FAM178B: variants seen among roughly 807,000 people sequenced by gnomAD.
FAM178B encodes family with sequence similarity 178 member B.
Under a neutral mutation model 91.7 loss-of-function variants are expected in FAM178B, and 82 were observed. That is an observed-to-expected ratio of 0.89 (90% confidence interval 0.75 to 1.07). The LOEUF (loss-of-function observed/expected upper bound fraction) is 1.07, where lower values mean the gene tolerates loss of function less well. Among genes scored for constraint, FAM178B ranks in the 50% least tolerant of loss-of-function variants. FAM178B has a pLI of 0.00. For synonymous variants in FAM178B, 368 were observed against 359.4 expected (o/e 1.02, Z -0.27); for missense variants, 769 against 846.7 (o/e 0.91, Z 1.14).
In FAM178B at chr2:96,876,045, G is replaced by A. The variant is rs563663735; in HGVS notation, c.*231C>T. On this transcript the variant is annotated 3_prime_UTR_variant, in exon 17 of 17. Coordinates refer to ENST00000490605, the MANE Select transcript of FAM178B (RefSeq NM_001122646.3). ...CTGGGAGGAGGGCTGAGGGGTGGGC[G>A]AGGCAGAGAGGCCCATCCCTTGCTG... 12 of 569,672 alleles carry A rather than the reference G, an allele frequency of 2.1e-5. No individual in the cohort carries two copies. The highest frequency in any genetic ancestry group is 1.9e-4 in the Admixed American group (6 of 31,922). The allele number at this position is 569,672 out of a possible 1,614,324, so 35.3% of individuals were successfully genotyped here. A position where few individuals can be genotyped will look rare whatever the true frequency, so the allele number is the denominator to read the frequency against.
At chr2:96,961,315 GTGT>G (rs2082078125) in intron 5 of FAM178B, among the ~76,000 whole-genome samples, 1 of 134,826 alleles carries the variant, frequency 7.4e-6, no homozygotes, top group African/African-American at 2.6e-5. Context: ...AGCAGAGGGT[GTGT>G]GTGTGTGTGT....
intron 14 of FAM178B, among the ~76,000 whole-genome samples, chr2:96,889,723 CA>C (rs112200731): frequency 1.3e-4 from 18 of 135,874 alleles, no homozygotes; most frequent in Non-Finnish European, 1.4e-4. Context: ...TAAATAAATA[CA>C]AAAAAAAATA....
intron 7 of FAM178B, among the ~76,000 whole-genome samples, chr2:96,950,408 G>A (rs923089718): frequency 9.2e-5 from 14 of 152,198 alleles, no homozygotes; most frequent in South Asian, 8.3e-4. Flanking sequence ...GTAAGGAGGA[G>A]CAAGGTGAAG....
chr2:96,921,410 C>T (rs2081337188), intron 11 of FAM178B, 68 bp downstream of exon 11: 22 of 1,533,648 alleles, frequency 1.4e-5, no homozygotes, highest in Non-Finnish European at 1.8e-5. Flanking sequence ...CCACCCAGGG[C>T]ACTCTAGGGG....
chr2:96,929,257 C>A lies in FAM178B; in HGVS notation c.1142G>T (p.Gly381Val), dbSNP rs764132573. 4.5e-5 allele frequency: 70 copies of A among 1,551,620 alleles called. No homozygotes were observed. In the East Asian group the frequency reaches 1.5e-3, roughly 33 times the overall value. Residue 381 changes from glycine to valine, a missense_variant, in exon 9 of 17, where the codon GGT becomes GTT. Coordinates refer to ENST00000490605, the MANE Select transcript of FAM178B (RefSeq NM_001122646.3). Reference sequence around the variant, plus strand: ...AGGGTACAGGGCAGGACTGTGGGCACCCAGGCTGTGGAATGCCTCCCTGAC... The same window carrying A: ...AGGGTACAGGGCAGGACTGTGGGCAACCAGGCTGTGGAATGCCTCCCTGAC... ...QEVREAFHSL[G>V]AHSPALYPLG...
At chr2:96,931,870 T>C (rs114346564) in intron 8 of FAM178B, among the ~76,000 whole-genome samples, 4,079 of 151,642 alleles carry the variant, frequency 0.027, 195 homozygotes, top group African/African-American at 0.095. Flanking sequence ...TTTTTTTTTT[T>C]CCTCTCTTGG....
chr2:96,879,155 C>A (rs1469847732), intron 14 of FAM178B, among the ~76,000 whole-genome samples: 1 of 152,192 alleles, frequency 6.6e-6, no homozygotes, highest in Non-Finnish European at 1.5e-5. Context: ...CCATGGGGAG[C>A]ATCCCAGGGC....
At chr2:96,960,850 G>A (rs2082069949) in intron 5 of FAM178B, among the ~76,000 whole-genome samples, 1 of 152,176 alleles carries the variant, frequency 6.6e-6, no homozygotes, top group South Asian at 2.1e-4. Context: ...GCTCCATAAG[G>A]GCCCAGGAGA....
chr2:96,961,051 A>C (rs1357979107), intron 5 of FAM178B, among the ~76,000 whole-genome samples: 1 of 152,176 alleles, frequency 6.6e-6, no homozygotes, highest in Non-Finnish European at 1.5e-5. Context: ...GCTGCAATGC[A>C]GATCCTGGGC....
At chr2:96,902,750 C>T (rs552102673) in intron 12 of FAM178B, 43 bp from the exon 13 acceptor site, 33 of 1,461,426 alleles carry the variant, frequency 2.3e-5, no homozygotes, top group African/African-American at 1.4e-4. Context: ...TGCTGGAAGT[C>T]GGGGAGCCCG....
intron 14 of FAM178B, among the ~76,000 whole-genome samples, chr2:96,889,352 A>C (rs2080608753): frequency 6.6e-6 from 1 of 152,124 alleles, no homozygotes; most frequent in African/African-American, 2.4e-5. Context: ...CAAATCCCTA[A>C]GGGGAAAAAC....
At chr2:96,925,319 GC>G (rs1442689316) in intron 9 of FAM178B, among the ~76,000 whole-genome samples, 8 of 152,186 alleles carry the variant, frequency 5.3e-5, no homozygotes, top group Non-Finnish European at 1.0e-4. Context: ...TGTGGGGAGA[GC>G]CCTGTCCTCC....
At chr2:96,910,558 C>T (rs2081135580) in intron 12 of FAM178B, among the ~76,000 whole-genome samples, 1 of 152,226 alleles carries the variant, frequency 6.6e-6, no homozygotes, top group Non-Finnish European at 1.5e-5. Context: ...AGTAACTACA[C>T]AGAAACTCCT....
intron 8 of FAM178B, among the ~76,000 whole-genome samples, chr2:96,938,273 C>CT (rs1267376530): frequency 6.6e-6 from 1 of 152,202 alleles, no homozygotes; most frequent in African/African-American, 2.4e-5. Context: ...ATGACAGGTA[C>CT]TGTCCTAAGG....
At chr2:96,881,947 A>T (rs1574178815) in intron 14 of FAM178B, among the ~76,000 whole-genome samples, 1 of 152,284 alleles carries the variant, frequency 6.6e-6, no homozygotes, top group Admixed American at 6.5e-5. Flanking sequence ...CCTATAAGGA[A>T]GACGTTGACC....
intron 12 of FAM178B, among the ~76,000 whole-genome samples, chr2:96,918,914 T>C (rs1397809533): frequency 1.3e-5 from 2 of 152,192 alleles, no homozygotes; most frequent in Non-Finnish European, 2.9e-5. Flanking sequence ...CCATTCTGAT[T>C]ACCAGTGCAT....
chr2:96,879,746 G>A (rs950624258), intron 14 of FAM178B, among the ~76,000 whole-genome samples: 2 of 152,216 alleles, frequency 1.3e-5, no homozygotes, highest in African/African-American at 4.8e-5. Context: ...GGGGGAAACC[G>A]AGGCGTGCCT....
intron 1 of FAM178B, among the ~76,000 whole-genome samples, chr2:96,985,674 T>C (rs1384337062): frequency 6.6e-6 from 1 of 152,228 alleles, no homozygotes; most frequent in Non-Finnish European, 1.5e-5. Flanking sequence ...CTGCGAATAC[T>C]GCTTTTTCAA....
intron 8 of FAM178B, among the ~76,000 whole-genome samples, chr2:96,947,208 A>G (rs1470145581): frequency 7.9e-5 from 12 of 152,178 alleles, no homozygotes; most frequent in East Asian, 1.9e-4. Context: ...CTAGGGGGGG[A>G]AATTAATTCC....
Sources: allele counts gnomAD v4.1 joint callset (sites outside exome capture counted in the v4.1 genomes callset), GRCh38; gene constraint gnomAD v4.1.1; transcripts MANE v1.5; gene names NCBI Gene and HGNC (gene_info 2026-07-23, HGNC 2026-07-21).